Variants in SRPK2 observed in about 807,000 individuals in gnomAD.
The protein encoded by SRPK2 is SRSF protein kinase 2, also known as SFRS protein kinase 2.
Under a neutral mutation model 90.8 loss-of-function variants are expected in SRPK2, and 21 were observed. That is an observed-to-expected ratio of 0.23 (90% CI 0.16 to 0.33). The LOEUF is 0.33. SRPK2 is among the 10% of genes least tolerant of loss of function. SRPK2 has a pLI of 1.00. For synonymous variants in SRPK2, 288 were observed against 311.1 expected (o/e 0.93, Z 0.78); for missense variants, 620 against 869.0 (o/e 0.71, Z 3.60).
chr7:105,375,983 CT>C (rs34445430), intron 2 of SRPK2, among the ~76,000 whole-genome samples: 232 of 63,158 alleles, frequency 3.7e-3, no homozygotes, highest in African/African-American at 0.012. Flanking sequence ...GAATTCATTT[CT>C]TTTTTTTTTT....
At chr7:105,119,368 G>A (rs1438346189) in intron 15 of SRPK2, among the ~76,000 whole-genome samples, 1 of 152,168 alleles carries the variant, frequency 6.6e-6, no homozygotes. Context: ...TTACAGAAAA[G>A]TATAAGAACA....
At chr7:105,251,262 C>T (rs756931797) in intron 2 of SRPK2, among the ~76,000 whole-genome samples, 25 of 152,216 alleles carry the variant, frequency 1.6e-4, no homozygotes, top group Non-Finnish European at 3.1e-4. Flanking sequence ...TCTGGTGTTT[C>T]TTATATCACA....
At chr7:105,256,483 ATTG>A (rs1275146719) in intron 2 of SRPK2, among the ~76,000 whole-genome samples, 1 of 152,112 alleles carries the variant, frequency 6.6e-6, no homozygotes, top group Admixed American at 6.6e-5. Flanking sequence ...AGCCTCCTGA[ATTG>A]TTGGGACTAC....
intron 3 of SRPK2, among the ~76,000 whole-genome samples, chr7:105,195,135 C>T (rs768867210): frequency 6.6e-6 from 1 of 152,182 alleles, no homozygotes; most frequent in Non-Finnish European, 1.5e-5. Context: ...TTGCAACCTC[C>T]GCCTCCCACG....
intron 2 of SRPK2, among the ~76,000 whole-genome samples, chr7:105,385,171 A>ATTTTTT (rs767913304): frequency 1.0e-4 from 5 of 49,686 alleles, no homozygotes; most frequent in African/African-American, 4.9e-4. Flanking sequence ...CGCGCCCGGC[A>ATTTTTT]TTTTTTTTTT....
chr7:105,230,964 CA>C (rs1799354773), intron 2 of SRPK2, among the ~76,000 whole-genome samples: 1 of 152,096 alleles, frequency 6.6e-6, no homozygotes. Flanking sequence ...CTTTTAGGTT[CA>C]GGGGTACATG....
At chr7:105,363,516 A>T (rs1191971393) in intron 2 of SRPK2, among the ~76,000 whole-genome samples, 1 of 152,244 alleles carries the variant, frequency 6.6e-6, no homozygotes, top group African/African-American at 2.4e-5. Flanking sequence ...ATCATTAAAA[A>T]GTCAGGAAAC....
At chr7:105,211,241 C>T (rs1460329417) in intron 2 of SRPK2, among the ~76,000 whole-genome samples, 1 of 151,726 alleles carries the variant, frequency 6.6e-6, no homozygotes, top group Non-Finnish European at 1.5e-5. Context: ...TCAAAAAGAT[C>T]TGATTTTTTT....
At chr7:105,266,861 T>C (rs1454230825) in intron 2 of SRPK2, among the ~76,000 whole-genome samples, 1 of 152,192 alleles carries the variant, frequency 6.6e-6, no homozygotes, top group East Asian at 1.9e-4. Context: ...TGACTGTTCA[T>C]TACCATATGA....
intron 2 of SRPK2, among the ~76,000 whole-genome samples, chr7:105,317,207 A>G (rs1007688548): frequency 6.6e-6 from 1 of 152,226 alleles, no homozygotes; most frequent in African/African-American, 2.4e-5. Flanking sequence ...AGAATGGTGG[A>G]TTAAGCTGCT....
chr7:105,122,162 A>G (rs908998717), intron 15 of SRPK2, among the ~76,000 whole-genome samples: 1 of 152,214 alleles, frequency 6.6e-6, no homozygotes, highest in Admixed American at 6.5e-5. Flanking sequence ...AATCAACTCA[A>G]AATAGGTCAT....
Position 105,224,811 on chromosome 7 carries a change from C to T in SRPK2, c.72-21026G>A, listed in dbSNP as rs1429432006. 2.4e-4 allele frequency among the ~76,000 whole-genome samples: 37 copies of T among 152,106 alleles called. 1 individual carries two copies. Among genetic ancestry groups the T allele is most frequent in the Admixed American group, 2.4e-3 (37 of 15,266 alleles). On this transcript the variant is annotated intron_variant, in intron 2 of 15. Coordinates refer to ENST00000393651, the MANE Select transcript of SRPK2 (RefSeq NM_182692.3). ...CCTATTTTCTTTCATGAATTTAGTA[C>T]ATTCAGTTAGTATTCAAAGTGAACA...
intron 2 of SRPK2, among the ~76,000 whole-genome samples, chr7:105,325,317 C>T (rs79859854): frequency 0.011 from 1,666 of 152,070 alleles, 16 homozygotes; most frequent in East Asian, 0.052. Context: ...GTGTCACAAG[C>T]GATTATTACA....
chr7:105,287,334 C>T (rs1419875219), intron 2 of SRPK2, among the ~76,000 whole-genome samples: 1 of 136,896 alleles, frequency 7.3e-6, no homozygotes, highest in Non-Finnish European at 1.6e-5. Flanking sequence ...ATATCCAAAA[C>T]ATAACTCTCA....
At chr7:105,373,046 G>C (rs777084452) in intron 2 of SRPK2, among the ~76,000 whole-genome samples, 1 of 152,034 alleles carries the variant, frequency 6.6e-6, no homozygotes, top group African/African-American at 2.4e-5. Context: ...CCAAGATAGC[G>C]CCATTGCTCT....
chr7:105,287,304 ATC>A (rs1808272918), intron 2 of SRPK2, among the ~76,000 whole-genome samples: 1 of 150,014 alleles, frequency 6.7e-6, no homozygotes, highest in South Asian at 2.1e-4. Flanking sequence ...GATGCAGAAG[ATC>A]CACATGTACT....
chr7:105,144,521 G>T (rs1004948783), intron 9 of SRPK2, among the ~76,000 whole-genome samples: 3 of 152,008 alleles, frequency 2.0e-5, no homozygotes, highest in African/African-American at 7.3e-5. Flanking sequence ...GATTACAGGC[G>T]TGAGTCACCA....
At chr7:105,336,310 T>C (rs1040299600) in intron 2 of SRPK2, among the ~76,000 whole-genome samples, 1 of 152,200 alleles carries the variant, frequency 6.6e-6, no homozygotes, top group African/African-American at 2.4e-5. Flanking sequence ...CCTCACAAAA[T>C]GGTGGCTTGA....
chr7:105,167,835 T>A (rs1790281106), intron 5 of SRPK2, among the ~76,000 whole-genome samples, 173 bp downstream of exon 5: 1 of 152,140 alleles, frequency 6.6e-6, no homozygotes. Flanking sequence ...GGTCTCGAAC[T>A]CTTGACCTCA....
Sources: allele counts gnomAD v4.1 joint callset (sites outside exome capture counted in the v4.1 genomes callset), GRCh38; gene constraint gnomAD v4.1.1; transcripts MANE v1.5; gene names NCBI Gene and HGNC (gene_info 2026-07-23, HGNC 2026-07-21).